The following RALGDS variants were observed in gnomAD, a reference collection of about 807,000 sequenced individuals.
RALGDS encodes ral guanine nucleotide exchange factor.
RALGDS carries 44 observed loss-of-function variants against 99.8 expected under a neutral mutation model. The observed-to-expected ratio is 0.44, with a 90% confidence interval of 0.35 to 0.57. RALGDS has a LOEUF of 0.57. Among genes scored for constraint, RALGDS ranks in the 20% least tolerant of loss-of-function variants. The pLI, the probability that RALGDS is intolerant of heterozygous loss-of-function variation, is 0.01. For synonymous variants in RALGDS, 529 were observed against 505.0 expected (o/e 1.05, Z -0.64); for missense variants, 1,022 against 1,203.1 (o/e 0.85, Z 2.23).
intron 1 of RALGDS, among the ~76,000 whole-genome samples, chr9:133,115,419 G>A (rs912640356): frequency 5.3e-5 from 8 of 152,212 alleles, no homozygotes; most frequent in African/African-American, 1.2e-4. Context: ...CTCCGTGTGC[G>A]TGAGATTGTC....
chr9:133,100,762 G>C, intron 16 of RALGDS: 1 of 1,159,078 alleles, frequency 8.6e-7, no homozygotes, highest in Non-Finnish European at 1.1e-6. Flanking sequence ...AAGAAAGGAG[G>C]GGCCGGCCAG....
In RALGDS at chr9:133,129,331, G is replaced by A. The variant is rs753328572; in HGVS notation, c.132+1621C>T. 3.2e-6 allele frequency: 5 copies of A among 1,569,886 alleles called. No homozygotes were observed. In the African/African-American group the frequency reaches 6.7e-5, roughly 21 times the overall value. On this transcript the variant is annotated intron_variant, in intron 1 of 17. Coordinates refer to the RALGDS transcript ENST00000372062. The stretch of plus-strand genomic sequence containing the variant: ...CTTCCCGGGCCATGGTGGGGCGAGA[G>A]CCAGGTGGGGAGTGGGCCCTGCGGG...
At chr9:133,124,239 T>TA (rs1832077535), upstream of RALGDS, among the ~76,000 whole-genome samples, 1 of 133,510 alleles carries the variant, frequency 7.5e-6, no homozygotes, top group Non-Finnish European at 1.6e-5. Flanking sequence ...CACACACACA[T>TA]AGAGACAGAC....
chr9:133,124,193 CACAGAGACACATAGAG>C (rs989203440), upstream of RALGDS, among the ~76,000 whole-genome samples: 5 of 148,998 alleles, frequency 3.4e-5, no homozygotes, highest in African/African-American at 1.3e-4. Flanking sequence ...CACACAGACC[CACAGAGACACATAGAG>C]ACAGAGACAC....
chr9:133,143,312 G>A (rs1343339392), intron 1 of RALGDS, among the ~76,000 whole-genome samples: 3 of 152,072 alleles, frequency 2.0e-5, no homozygotes, highest in African/African-American at 4.8e-5. Context: ...GGCACCCAGC[G>A]CCAGCCAGGT....
chr9:133,119,956 A>T (rs1463511535), intron 1 of RALGDS, among the ~76,000 whole-genome samples: 1 of 152,180 alleles, frequency 6.6e-6, no homozygotes, highest in Non-Finnish European at 1.5e-5. Context: ...CCATGAAGCG[A>T]CTGGAGACGC....
intron 1 of RALGDS, among the ~76,000 whole-genome samples, chr9:133,142,300 C>T (rs936549543): frequency 2.0e-5 from 3 of 152,136 alleles, no homozygotes; most frequent in Non-Finnish European, 2.9e-5. Context: ...AATGAAGGTC[C>T]TGGACCCTGG....
chr9:133,142,820 C>T (rs187566966), intron 1 of RALGDS, among the ~76,000 whole-genome samples: 215 of 152,366 alleles, frequency 1.4e-3, no homozygotes, highest in Non-Finnish European at 2.5e-3. Context: ...CTCCCAGCCC[C>T]GCCCTGCCCA....
At position 133,108,698 on chromosome 9, in the gene RALGDS, C is replaced by T. The variant is rs34431085; in HGVS notation, c.753G>A (p.Ser251=). The T allele has an allele frequency of 3.5e-4, 564 of 1,613,654 alleles. 4 individuals are homozygous for T. In the African/African-American group the frequency reaches 6.7e-3, roughly 19 times the overall value. The change falls in exon 5 of 18, where the codon TCG becomes TCA. Residue 251 remains serine (S), a synonymous_variant. Transcript: ENST00000372050. The part of the protein sequence containing the change: ...AHLLLAQLEH[S]EPIEAEPEAL... ...CCTCAGGCTCTGCCTCAATGGGTTC[C>T]GAGTGCTCCAGCTGGGCCAGGAGAA...
At chr9:133,133,491 T>A (rs1312279797), upstream of RALGDS, among the ~76,000 whole-genome samples, 7 of 152,094 alleles carry the variant, frequency 4.6e-5, no homozygotes, top group Admixed American at 4.6e-4. Flanking sequence ...GGCCGCCACG[T>A]GATGCGCCAC....
chr9:133,125,778 A>ATGCC, upstream of RALGDS, among the ~76,000 whole-genome samples: 1 of 152,266 alleles, frequency 6.6e-6, no homozygotes, highest in East Asian at 1.9e-4. Context: ...TCACCCTCTG[A>ATGCC]TGCCTCTGAG....
In RALGDS at chr9:133,103,159, G is replaced by T. The variant is rs879235292; in HGVS notation, c.1791+71C>A. Reference sequence around the variant, plus strand: ...CCATGAATCTAAGGAGAGGGTAGGAGTTGAAATGTCCTACCCTGGTGGGTC... The same window carrying T: ...CCATGAATCTAAGGAGAGGGTAGGATTTGAAATGTCCTACCCTGGTGGGTC... On this transcript the variant is annotated intron_variant, in intron 12 of 17. Transcript: ENST00000372050. 1.6e-5 allele frequency: 25 copies of T among 1,570,528 alleles called. No homozygotes were observed. The South Asian group carries it at 2.7e-4, about 17-fold the overall frequency.
upstream of RALGDS, among the ~76,000 whole-genome samples, chr9:133,133,656 A>G (rs1423935384): frequency 3.9e-5 from 6 of 152,354 alleles, no homozygotes; most frequent in Non-Finnish European, 7.4e-5. Flanking sequence ...ACATGGCACA[A>G]ACATTTCCAG....
rs139082000 is a variant in RALGDS at position 133,102,092 on chromosome 9, G to C, written c.2057C>G (p.Ser686Cys). Reference protein sequence around the residue: ...TELSTSGSSHSKSCDQLRCGP... With the variant: ...TELSTSGSSHCKSCDQLRCGP... ...ACACCTGAGCTGGTCACAGGACTTG[G>C]AGTGGGAGCTGCCACTGGTACTGAG... Residue 686 changes from serine (S) to cysteine (C), a missense_variant, in exon 15 of 18, where the codon TCC becomes TGC. By Grantham distance (112) the Ser-to-Cys change is moderately radical. This residue lies in a region of RALGDS where 825 missense variants were observed against 994.5 expected (regional missense o/e 0.83). Coordinates refer to ENST00000372050, the MANE Select transcript of RALGDS (RefSeq NM_006266.4). 2,918 of 1,574,508 alleles carry C rather than the reference G, an allele frequency of 1.9e-3. 5 individuals carry two copies. The highest frequency in any genetic ancestry group is 2.3e-3 in the Non-Finnish European group (2,706 of 1,159,630).
At chr9:133,129,972 G>T (rs1832284145) in intron 1 of RALGDS, among the ~76,000 whole-genome samples, 1 of 148,128 alleles carries the variant, frequency 6.8e-6, no homozygotes, top group South Asian at 2.2e-4. Context: ...ATGCCACCAT[G>T]CTCGGCTAAT....
chr9:133,107,210 T>C lies in RALGDS; in HGVS notation c.1288A>G (p.Ile430Val), dbSNP rs755865432. The C allele has an allele frequency of 1.2e-6, 2 of 1,613,650 alleles. No individual in the cohort carries two copies. Among genetic ancestry groups the C allele is most frequent in the South Asian group, 2.2e-5 (2 of 91,088 alleles). Residue 430 changes from isoleucine to valine, a missense_variant, in exon 7 of 18, where the codon ATC becomes GTC. By Grantham distance (29) the Ile-to-Val change is conservative. Coordinates refer to ENST00000372050, the MANE Select transcript of RALGDS (RefSeq NM_006266.4). The stretch of plus-strand genomic sequence containing the variant: ...TTGAACTGGGTGACAGTGGCGCGGA[T>C]GGTGGGCGCCAGGTGCTCCTTGCCC... The part of the protein sequence containing the change: ...KKGKEHLAPT[I>V]RATVTQFNSV...
chr9:133,113,976 C>A (rs1388083902), intron 1 of RALGDS, among the ~76,000 whole-genome samples: 2 of 152,230 alleles, frequency 1.3e-5, no homozygotes, highest in African/African-American at 2.4e-5. Flanking sequence ...GCCTGCTGGA[C>A]AGAGGTGTCC....
intron 1 of RALGDS, among the ~76,000 whole-genome samples, chr9:133,116,057 A>G (rs1462871710): frequency 6.6e-6 from 1 of 152,218 alleles, no homozygotes; most frequent in Non-Finnish European, 1.5e-5. Flanking sequence ...GCTGAGCCAG[A>G]GGTGAGAGCC....
At position 133,103,835 on chromosome 9, in the gene RALGDS, T is replaced by C; in HGVS notation, c.1672-2A>G. ...GGGAACGGTGCCCTGGATGATGCCC[T>C]GTGACATTGGGGTAGGAGGATGAGC... On this transcript the variant is annotated splice_acceptor_variant, in intron 10 of 17. Transcript: ENST00000372050. LOFTEE classifies it high-confidence loss of function. 1 of 1,612,748 alleles carries C rather than the reference T, an allele frequency of 6.2e-7. No homozygotes were observed. Among genetic ancestry groups the C allele is most frequent in the Non-Finnish European group, 8.5e-7 (1 of 1,179,636 alleles).
Sources: gnomAD v4.1 joint callset for allele counts (sites outside exome capture counted in the v4.1 genomes callset) on GRCh38, gnomAD v4.1.1 for gene constraint, gnomAD v4.1.1 regional missense constraint, MANE v1.5 for transcripts, NCBI Gene and HGNC (gene_info 2026-07-23, HGNC 2026-07-21) for gene names.